SLC1A2: variants seen among roughly 807,000 people sequenced by gnomAD.
SLC1A2 encodes the protein solute carrier family 1 member 2.
SLC1A2 carries 15 observed loss-of-function variants against 48.8 expected under a neutral mutation model. That is an observed-to-expected ratio of 0.31 (90% CI 0.21 to 0.47). The LOEUF is 0.47. SLC1A2 is among the 20% of genes least tolerant of loss of function. SLC1A2 has a pLI of 0.99. For synonymous variants in SLC1A2, 279 were observed against 272.6 expected, an observed-to-expected ratio of 1.02 and a Z score of -0.23; for missense variants, 502 against 730.5, an observed-to-expected ratio of 0.69 and a Z score of 3.61.
At chr11:35,304,630 T>C (rs1436423779) in intron 5 of SLC1A2, among the ~76,000 whole-genome samples, 1 of 152,112 alleles carries the variant, frequency 6.6e-6, no homozygotes, top group Non-Finnish European at 1.5e-5. Context: ...TCCAACCTGC[T>C]TCCTGCCAAG....
chr11:35,377,518 C>T (rs1195576434), intron 1 of SLC1A2, among the ~76,000 whole-genome samples: 1 of 152,168 alleles, frequency 6.6e-6, no homozygotes, highest in African/African-American at 2.4e-5. Flanking sequence ...AACTGAGGCT[C>T]AGAAAGGCTA....
At chr11:35,386,107 A>G (rs1038606533) in intron 1 of SLC1A2, among the ~76,000 whole-genome samples, 1 of 152,320 alleles carries the variant, frequency 6.6e-6, no homozygotes, top group East Asian at 1.9e-4. Context: ...CGGAGCTTGC[A>G]GTGAGCCGAG....
chr11:35,419,092 T>C lies in SLC1A2; in HGVS notation c.-126A>G. On this transcript the variant is annotated 5_prime_UTR_variant, in exon 1 of 11. Transcript: ENST00000278379. The surrounding 1 kb of genome is among the most constrained non-coding windows in gnomAD (Gnocchi z 5.4). ...TTTAAGAGGAGCCTCTGCCCGCCCTTCCACCCGCCTCCGGGGTAAGCCCTT... is the reference window on the plus strand; with the variant it reads ...TTTAAGAGGAGCCTCTGCCCGCCCTCCCACCCGCCTCCGGGGTAAGCCCTT... 1.3e-6 allele frequency: 1 copy of C among 745,688 alleles called. No individual in the cohort carries two copies. The highest frequency in any genetic ancestry group is 2.1e-6 in the Non-Finnish European group (1 of 466,792). 46.2% of individuals were successfully genotyped at this position (745,688 alleles called of 1,614,324 possible).
Position 35,257,609 on chromosome 11 carries a change from T to C in SLC1A2, c.*3285A>G, listed in dbSNP as rs1950330713. The C allele has an allele frequency of 6.6e-6, 1 of 152,220 alleles. No homozygotes were observed. Among genetic ancestry groups the C allele is most frequent in the African/African-American group, 2.4e-5 (1 of 41,466 alleles). 9.4% of individuals were successfully genotyped at this position (152,220 alleles called of 1,614,324 possible). ...AAAGATCTAAGGTAAAGTATTACCT[T>C]GAAAGATAAGCTATTCTTCTCACTG... On this transcript the variant is annotated 3_prime_UTR_variant, in exon 11 of 11. Transcript: ENST00000278379.
rs1379154421 is a variant in SLC1A2, at chr11:35,258,941, T to A, written c.*1953A>T. 1 of 114,726 alleles carries A rather than the reference T, an allele frequency of 8.7e-6. No homozygotes were observed. Among genetic ancestry groups the A allele is most frequent in the Non-Finnish European group, 1.7e-5 (1 of 59,284 alleles). 7.1% of individuals were successfully genotyped at this position (114,726 alleles called of 1,614,324 possible). A position where few individuals can be genotyped will look rare whatever the true frequency, so the allele number is the denominator to read the frequency against. On this transcript the variant is annotated 3_prime_UTR_variant, in exon 11 of 11. Coordinates refer to ENST00000278379, the MANE Select transcript of SLC1A2 (RefSeq NM_004171.4). ...GCCTGAGCAACAGAGCAAGACTCTG[T>A]CTAAAAAAAAAAAAAAAAAAAGAAT... is the stretch of plus-strand genomic sequence containing the variant.
chr11:35,313,175 G>A (rs1488413360), intron 3 of SLC1A2, among the ~76,000 whole-genome samples: 2 of 152,046 alleles, frequency 1.3e-5, no homozygotes, highest in African/African-American at 4.8e-5. Context: ...ATGTTTTAAT[G>A]TCCTCACTTG....
At chr11:35,287,732 A>T (rs995115087) in intron 7 of SLC1A2, among the ~76,000 whole-genome samples, 2 of 152,236 alleles carry the variant, frequency 1.3e-5, no homozygotes, top group Admixed American at 6.5e-5. Context: ...TGACACGTTC[A>T]TATGTCTTCA....
intron 1 of SLC1A2, among the ~76,000 whole-genome samples, chr11:35,343,098 G>A (rs974486731): frequency 6.6e-6 from 1 of 152,238 alleles, no homozygotes; most frequent in African/African-American, 2.4e-5. Flanking sequence ...AAACCACACT[G>A]GTGTGTCAGT....
intron 1 of SLC1A2, among the ~76,000 whole-genome samples, chr11:35,414,733 T>C (rs1335503465): frequency 6.6e-6 from 1 of 152,246 alleles, no homozygotes; most frequent in African/African-American, 2.4e-5. Flanking sequence ...ACAAGTTCTT[T>C]AAATGCAAGC....
At chr11:35,406,880 A>G (rs1432854369) in intron 1 of SLC1A2, among the ~76,000 whole-genome samples, 1 of 152,186 alleles carries the variant, frequency 6.6e-6, no homozygotes, top group East Asian at 1.9e-4. Flanking sequence ...AGAAACATAC[A>G]TTTGGGAGTT....
intron 1 of SLC1A2, among the ~76,000 whole-genome samples, chr11:35,386,154 AG>A (rs1854578759): frequency 6.6e-6 from 1 of 152,200 alleles, no homozygotes; most frequent in African/African-American, 2.4e-5. Flanking sequence ...CGACAGAGCA[AG>A]ACTCCATCTC....
chr11:35,268,571 G>A (rs760397135), intron 9 of SLC1A2, among the ~76,000 whole-genome samples: 1 of 151,576 alleles, frequency 6.6e-6, no homozygotes, highest in Non-Finnish European at 1.5e-5. Context: ...AGGCTGGGAT[G>A]GGAGAATCAC....
intron 1 of SLC1A2, among the ~76,000 whole-genome samples, chr11:35,416,135 T>C (rs753650527): frequency 2.0e-4 from 30 of 152,314 alleles, no homozygotes; most frequent in Admixed American, 1.4e-3. Context: ...ATAATCTCAA[T>C]TCCAAATAAT....
At chr11:35,336,650 AG>A (rs1251102286) in intron 1 of SLC1A2, among the ~76,000 whole-genome samples, 1 of 152,238 alleles carries the variant, frequency 6.6e-6, no homozygotes, top group Non-Finnish European at 1.5e-5. Flanking sequence ...AAAATGACCT[AG>A]TAAGCATCAG....
At chr11:35,380,925 C>T (rs1261740161) in intron 1 of SLC1A2, among the ~76,000 whole-genome samples, 1 of 152,032 alleles carries the variant, frequency 6.6e-6, no homozygotes, top group Non-Finnish European at 1.5e-5. Flanking sequence ...CAATAGAAGA[C>T]AACATCTGAC....
chr11:35,265,671 G>T lies in SLC1A2; in HGVS notation c.1509C>A (p.Thr503=). The T allele has an allele frequency of 6.2e-7, 1 of 1,613,586 alleles. No homozygotes were observed. Among genetic ancestry groups the T allele is most frequent in the Non-Finnish European group, 8.5e-7 (1 of 1,179,480 alleles). Residue 503 remains threonine, a synonymous_variant, in exon 10 of 11, where the codon ACC becomes ACA. Transcript: ENST00000278379. ...CATGCACTCGATGCTGGGAGTCAAT[G>T]GTATCCAGCTCAGACTTGGAGAGGT... The part of the protein sequence containing the change: ...VYHLSKSELD[T]IDSQHRVHED...
At chr11:35,352,982 A>G (rs2135092899) in intron 1 of SLC1A2, among the ~76,000 whole-genome samples, 1 of 152,358 alleles carries the variant, frequency 6.6e-6, no homozygotes, top group South Asian at 2.1e-4. Flanking sequence ...CAATAATAGC[A>G]ATAATCATTT....
intron 1 of SLC1A2, among the ~76,000 whole-genome samples, chr11:35,397,140 G>A (rs1854988752): frequency 2.0e-5 from 3 of 148,710 alleles, no homozygotes; most frequent in Admixed American, 2.0e-4. Flanking sequence ...TCCCCATCAA[G>A]CTACCAATGA....
chr11:35,327,474 G>C (rs1852285102), intron 1 of SLC1A2, among the ~76,000 whole-genome samples: 1 of 152,126 alleles, frequency 6.6e-6, no homozygotes, highest in African/African-American at 2.4e-5. Context: ...GGTTATAACA[G>C]AGTGACCTCA....
Sources: gnomAD v4.1 joint callset for allele counts (sites outside exome capture counted in the v4.1 genomes callset) on GRCh38, gnomAD v4.1.1 for gene constraint, Gnocchi (gnomAD v3.1) non-coding constraint, MANE v1.5 for transcripts, NCBI Gene and HGNC (gene_info 2026-07-23, HGNC 2026-07-21) for gene names.